The following PIP variants were observed in gnomAD, a reference collection of about 807,000 sequenced individuals.
The protein encoded by PIP is prolactin-inducible protein.
In PIP, 9 loss-of-function variants were observed where a neutral mutation model predicts 12.8. The ratio of observed to expected loss-of-function variants is 0.70; its 90% CI spans 0.42 to 1.23. The LOEUF is 1.23. Ranked by LOEUF, PIP falls within the 50% of genes most tolerant of loss-of-function variation. PIP has a pLI of 0.00. For missense variants in PIP, 172 were observed against 179.5 expected, an observed-to-expected ratio of 0.96 and a Z score of 0.24; for synonymous variants, 60 against 66.1, an observed-to-expected ratio of 0.91 and a Z score of 0.45.
chr7:143,136,674 T>C (rs2116570308), intron 2 of PIP, among the ~76,000 whole-genome samples: 1 of 152,194 alleles, frequency 6.6e-6, no homozygotes, highest in African/African-American at 2.4e-5. Flanking sequence ...CTGGTGGTAA[T>C]AGTTAATGGT....
chr7:143,139,102 C>G lies in PIP; in HGVS notation c.229C>G (p.Pro77Ala). 1 of 1,591,230 alleles carries G rather than the reference C, an allele frequency of 6.3e-7. No homozygotes were observed. ...VVKTYLISSI[P>A]LQGAFNYKYT... ...TAAAACTTACCTCATTAGCAGCATC[C>G]CTCTACAAGGTGCATTTAACTATAA... is the stretch of plus-strand genomic sequence containing the variant. The change falls in exon 3 of 4, where the codon CCT becomes GCT. Residue 77 changes from proline to alanine, a missense_variant. Pro to Ala is a conservative substitution (Grantham distance 27). Transcript: ENST00000291009.
chr7:143,139,008 A>G, intron 2 of PIP, 67 bp from the exon 3 acceptor site: 1 of 841,358 alleles, frequency 1.2e-6, no homozygotes, highest in Non-Finnish European at 2.1e-6. Flanking sequence ...TCCCTCTCCT[A>G]TTTTTCCCTC....
intron 1 of PIP, among the ~76,000 whole-genome samples, chr7:143,132,580 A>G (rs566632421): frequency 2.0e-5 from 3 of 152,296 alleles, no homozygotes; most frequent in Middle Eastern, 6.8e-3. Context: ...CTAGAAGAGA[A>G]GCATAACAGG....
rs561852341 is a variant in PIP at position 143,139,726 on chromosome 7, ACTT to A, written c.*88_*90del. ...ATTTCTGCTGTGGTCTATAAAATAAACTTCTTAACATGCTTCTCCATGTTCTGT... is the reference window on the plus strand; with the variant it reads ...ATTTCTGCTGTGGTCTATAAAATAAACTTAACATGCTTCTCCATGTTCTGT... On this transcript the variant is annotated 3_prime_UTR_variant, in exon 4 of 4. Coordinates refer to ENST00000291009, the MANE Select transcript of PIP (RefSeq NM_002652.3). The A allele has an allele frequency of 1.2e-4, 164 of 1,317,964 alleles. 2 individuals are homozygous for A. The African/African-American group carries it at 1.7e-3, about 13-fold the overall frequency. The allele number at this position is 1,317,964 out of a possible 1,614,324, so 81.6% of individuals were successfully genotyped here.
rs60977776 is a variant in PIP at position 143,137,903 on chromosome 7, G to GA, written c.202-1158dup. 5.5e-3 allele frequency among the ~76,000 whole-genome samples: 722 copies of GA among 130,418 alleles called. 2 individuals carry two copies. Among genetic ancestry groups the GA allele is most frequent in the African/African-American group, 5.8e-3 (217 of 37,510 alleles). 85.6% of individuals were successfully genotyped at this position (130,418 alleles called of 152,430 possible). A position where few individuals can be genotyped will look rare whatever the true frequency, so the allele number is the denominator to read the frequency against. On this transcript the variant is annotated intron_variant, in intron 2 of 3. Coordinates refer to ENST00000291009, the MANE Select transcript of PIP (RefSeq NM_002652.3). ...CAACAGAGTGAGACTCTGTCTCTTAGAAAAAAAAAAAAAAGGGAAACAAGG... is the reference window on the plus strand; with the variant it reads ...CAACAGAGTGAGACTCTGTCTCTTAGAAAAAAAAAAAAAAAGGGAAACAAGG...
At chr7:143,135,154 C>T in intron 1 of PIP, 40 bp from the exon 2 acceptor site, 1 of 1,102,628 alleles carries the variant, frequency 9.1e-7, no homozygotes, top group Non-Finnish European at 1.4e-6. Context: ...AAAGATTGGT[C>T]TCTGATCCTG....
At chr7:143,137,915 A>G (rs1230968972) in intron 2 of PIP, among the ~76,000 whole-genome samples, 1 of 151,850 alleles carries the variant, frequency 6.6e-6, no homozygotes, top group East Asian at 1.9e-4. Context: ...AAAAAAAAAA[A>G]AAGGGAAACA....
chr7:143,134,226 ATATATAT>A lies in PIP; in HGVS notation c.96-967_96-961del, dbSNP rs1563015858. On this transcript the variant is annotated intron_variant, in intron 1 of 3. Transcript: ENST00000291009. ...TATATATATATATATATATATATAT[ATATATAT>A]ACCACAGTTTCTTTATCCACTCGTT... Among the ~76,000 whole-genome samples, 492 of 99,200 alleles carry A rather than the reference ATATATAT, an allele frequency of 5.0e-3. 8 individuals carry two copies. Among genetic ancestry groups the A allele is most frequent in the African/African-American group, 0.014 (361 of 24,910 alleles). 65.1% of individuals were successfully genotyped at this position (99,200 alleles called of 152,430 possible).
intron 2 of PIP, among the ~76,000 whole-genome samples, chr7:143,136,589 C>T (rs2116570198): frequency 6.6e-6 from 1 of 152,082 alleles, no homozygotes; most frequent in Non-Finnish European, 1.5e-5. Context: ...TTTTGTTTAT[C>T]ACAAACACAG....
At chr7:143,132,519 C>G (rs1289114336) in intron 1 of PIP, among the ~76,000 whole-genome samples, 4 of 152,110 alleles carry the variant, frequency 2.6e-5, no homozygotes, top group African/African-American at 9.7e-5. Flanking sequence ...ATAATTTATA[C>G]CTTTGTTCAG....
At position 143,139,106 on chromosome 7, in the gene PIP, T is replaced by TA. The variant is rs1422237343; in HGVS notation, c.234dup (p.Gln79ThrfsTer5). 6.3e-7 allele frequency: 1 copy of TA among 1,596,462 alleles called. No homozygotes were observed. Among genetic ancestry groups the TA allele is most frequent in the South Asian group, 1.1e-5 (1 of 90,878 alleles). Reference sequence around the variant, plus strand: ...ACTTACCTCATTAGCAGCATCCCTCTACAAGGTGCATTTAACTATAAGTAT... The same window carrying TA: ...ACTTACCTCATTAGCAGCATCCCTCTAACAAGGTGCATTTAACTATAAGTAT... On this transcript the variant is annotated frameshift_variant, in exon 3 of 4. Transcript: ENST00000291009. LOFTEE classifies it high-confidence loss of function.
chr7:143,134,913 C>A (rs1050258259), intron 1 of PIP, among the ~76,000 whole-genome samples: 2 of 151,986 alleles, frequency 1.3e-5, no homozygotes, highest in Non-Finnish European at 2.9e-5. Context: ...GGTAGATACC[C>A]AGTAGTGGGA....
rs1799276556 is a variant in PIP at position 143,134,210 on chromosome 7, AT to A, written c.96-983del. 8.6e-5 allele frequency among the ~76,000 whole-genome samples: 11 copies of A among 128,598 alleles called. 2 individuals carry two copies. Among genetic ancestry groups the A allele is most frequent in the African/African-American group, 2.9e-4 (10 of 34,602 alleles). The allele number at this position is 128,598 out of a possible 152,430, so 84.4% of individuals were successfully genotyped here. On this transcript the variant is annotated intron_variant, in intron 1 of 3. Transcript: ENST00000291009. ...TATATATATATATATATATATATAT[AT>A]ATATATATATATATATATATATACC...
Position 143,138,682 on chromosome 7 carries a change from G to A in PIP, c.202-393G>A, listed in dbSNP as rs998278559. ...CAAGGCCTGACATTGGCTCCTACAC[G>A]CAAGTGGCCAGGCTGCTGTCTCACC... is the stretch of plus-strand genomic sequence containing the variant. On this transcript the variant is annotated intron_variant, in intron 2 of 3. Coordinates refer to ENST00000291009, the MANE Select transcript of PIP (RefSeq NM_002652.3). 3.9e-5 allele frequency among the ~76,000 whole-genome samples: 6 copies of A among 152,186 alleles called. No individual in the cohort carries two copies. In the South Asian group the frequency reaches 8.3e-4, roughly 21 times the overall value.
Position 143,139,245 on chromosome 7 carries a change from A to G in PIP, c.316+56A>G. ...TACCCACCAGCCACCAGGGAGGAGA[A>G]ACTATAAACAGAAACATGGCTGCGA... On this transcript the variant is annotated intron_variant, in intron 3 of 3. Transcript: ENST00000291009. 3 of 1,015,140 alleles carry G rather than the reference A, an allele frequency of 3.0e-6. No individual in the cohort carries two copies. The South Asian group carries it at 3.8e-5, about 13-fold the overall frequency. 62.9% of individuals were successfully genotyped at this position (1,015,140 alleles called of 1,614,324 possible).
rs775463282 is a variant in PIP at position 143,139,049 on chromosome 7, TC to T, written c.202-21del. ...CCCATTCCCCAAAATAACAATGAAT[TC>T]CCCCTCCCACCTTCTCCTCACCAGG... On this transcript the variant is annotated intron_variant, in intron 2 of 3. Transcript: ENST00000291009. 98 of 1,104,198 alleles carry T rather than the reference TC, an allele frequency of 8.9e-5. 1 individual carries two copies. The highest frequency in any genetic ancestry group is 1.2e-4 in the Non-Finnish European group (89 of 714,234). The allele number at this position is 1,104,198 out of a possible 1,614,324, so 68.4% of individuals were successfully genotyped here.
intron 3 of PIP, 120 bp from the exon 4 acceptor site, chr7:143,139,398 G>T: frequency 7.5e-7 from 1 of 1,327,994 alleles, no homozygotes; most frequent in Non-Finnish European, 1.1e-6. Context: ...TGATACAGGA[G>T]ACAAATTTGC....
At position 143,134,183 on chromosome 7, in the gene PIP, C is replaced by CATAT. The variant is rs60656573; in HGVS notation, c.96-963_96-960dup. Among the ~76,000 whole-genome samples the CATAT allele has an allele frequency of 7.4e-3, 306 of 41,606 alleles. 5 individuals are homozygous for CATAT. Among genetic ancestry groups the CATAT allele is most frequent in the Middle Eastern group, 0.015 (1 of 68 alleles). 27.3% of individuals were successfully genotyped at this position (41,606 alleles called of 152,430 possible). A position where few individuals can be genotyped will look rare whatever the true frequency, so the allele number is the denominator to read the frequency against. On this transcript the variant is annotated intron_variant, in intron 1 of 3. Coordinates refer to ENST00000291009, the MANE Select transcript of PIP (RefSeq NM_002652.3). Reference sequence around the variant, plus strand: ...TTATGGCTGAGTAGTAGTATTCCATCATATATATATATATATATATATATA... The same window carrying CATAT: ...TTATGGCTGAGTAGTAGTATTCCATCATATATATATATATATATATATATATATA...
intron 2 of PIP, among the ~76,000 whole-genome samples, chr7:143,136,481 T>C (rs922270050): frequency 3.3e-5 from 5 of 152,120 alleles, no homozygotes; most frequent in African/African-American, 1.2e-4. Flanking sequence ...ATATCACAGC[T>C]GCTTTGTCAA....
Sources: gnomAD v4.1 joint callset for allele counts (sites outside exome capture counted in the v4.1 genomes callset) on GRCh38, gnomAD v4.1.1 for gene constraint, MANE v1.5 for transcripts, NCBI Gene and HGNC (gene_info 2026-07-23, HGNC 2026-07-21) for gene names.